Variants in ANKFY1 observed in about 807,000 individuals in gnomAD.
The protein encoded by ANKFY1 is ankyrin repeat and FYVE domain containing 1, also known as ankyrin repeat and FYVE domain-containing protein 1.
Under a neutral mutation model 128.3 loss-of-function variants are expected in ANKFY1, and 47 were observed. The observed-to-expected ratio is 0.37, with a 90% CI of 0.29 to 0.47. The LOEUF (loss-of-function observed/expected upper bound fraction) is 0.47. ANKFY1 is among the 20% of genes least tolerant of loss of function. The pLI is 1.00. For missense variants in ANKFY1, 1,222 were observed against 1,510.6 expected (o/e 0.81, Z 3.17); for synonymous variants, 553 against 601.6 (o/e 0.92, Z 1.18).
Position 4,263,924 on chromosome 17 carries a change from A to G in ANKFY1, c.10+8T>C, listed in dbSNP as rs745379057. Reference sequence around the variant, plus strand: ...GTCTTCCCGCGCGGCTCCACAAAAAAACCCTACCTTCCGCCATGTCTGGCC... The same window carrying G: ...GTCTTCCCGCGCGGCTCCACAAAAAGACCCTACCTTCCGCCATGTCTGGCC... On this transcript the variant is annotated splice_region_variant and intron_variant, in intron 1 of 24. Transcript: ENST00000341657. The G allele has an allele frequency of 4.3e-6, 7 of 1,613,784 alleles. No individual in the cohort carries two copies. Among genetic ancestry groups the G allele is most frequent in the Non-Finnish European group, 5.1e-6 (6 of 1,179,918 alleles).
At chr17:4,224,317 G>C (rs1228005642) in intron 3 of ANKFY1, among the ~76,000 whole-genome samples, 1 of 148,856 alleles carries the variant, frequency 6.7e-6, no homozygotes, top group Non-Finnish European at 1.5e-5. Context: ...CTGCCCCCGG[G>C]GTTCACGCCA....
At chr17:4,182,768 A>G (rs2059538302) in intron 14 of ANKFY1, among the ~76,000 whole-genome samples, 3 of 152,154 alleles carry the variant, frequency 2.0e-5, no homozygotes, top group African/African-American at 7.2e-5. Context: ...TTGGTGGCTC[A>G]TTTGTTGGAA....
rs986542838 is a variant in ANKFY1 at position 4,195,253 on chromosome 17, T to C, written c.1173-76A>G. The C allele has an allele frequency of 2.7e-6, 4 of 1,475,330 alleles. No individual in the cohort carries two copies. The Admixed American group carries it at 6.1e-5, about 22-fold the overall frequency. 91.4% of individuals were successfully genotyped at this position (1,475,330 alleles called of 1,614,324 possible). ...CTATACTGACAACAACCTGGTTCTT[T>C]CTCTTTACCCTTTTTCAATGACACA... On this transcript the variant is annotated intron_variant, in intron 9 of 24. Coordinates refer to ENST00000341657, the MANE Select transcript of ANKFY1 (RefSeq NM_001330063.2).
At chr17:4,222,738 A>G (rs1318183757) in intron 3 of ANKFY1, 5 of 957,398 alleles carry the variant, frequency 5.2e-6, no homozygotes, top group African/African-American at 1.6e-5. Context: ...TTGTGCAGTA[A>G]TATTTCTCGT....
At chr17:4,176,978 C>T in intron 19 of ANKFY1, 148 bp downstream of exon 19, 1 of 795,394 alleles carries the variant, frequency 1.3e-6, no homozygotes, top group South Asian at 3.1e-5. Flanking sequence ...GCCCTTGACA[C>T]CAGTTTCCTG....
At chr17:4,255,342 G>A (rs1157584223) in intron 1 of ANKFY1, among the ~76,000 whole-genome samples, 2 of 151,032 alleles carry the variant, frequency 1.3e-5, no homozygotes, top group Non-Finnish European at 2.9e-5. Flanking sequence ...TGCCTCCCGG[G>A]TTCAAGCAAT....
Position 4,196,597 on chromosome 17 carries a change from G to A in ANKFY1, c.1103+776C>T, listed in dbSNP as rs1189642505. On this transcript the variant is annotated intron_variant, in intron 8 of 24. Transcript: ENST00000341657. ...GAACACAATAAATATTGTTAAATAT[G>A]CAAAGGGCCGTGCTATGGACAAAGG... Among the ~76,000 whole-genome samples the A allele has an allele frequency of 5.3e-5, 8 of 152,318 alleles. No homozygotes were observed. The East Asian group carries it at 1.5e-3, about 29-fold the overall frequency.
chr17:4,177,133 C>T lies in ANKFY1; in HGVS notation c.2768G>A (p.Arg923His), dbSNP rs1257663646. 9.5e-6 allele frequency: 15 copies of T among 1,581,974 alleles called. No individual in the cohort carries two copies. Among genetic ancestry groups the T allele is most frequent in the East Asian group, 2.3e-5 (1 of 43,976 alleles). The change falls in exon 19 of 25, where the codon CGC becomes CAC. Residue 923 changes from arginine to histidine, a missense_variant. Transcript: ENST00000341657. ...AVQAGSEIIV[R>H]NLLLAGAKVN... ...TACTTCTGTGTCACTTACCAAATTG[C>T]GGACAATAATTTCTGAGCCTGCTTG...
rs1054084793 is a variant in ANKFY1, at chr17:4,196,885, C to T, written c.1103+488G>A. ...CCGTAATCCCAGCACTTTGGGAGAC[C>T]GAGGTGGGCAGATTGCTTGAGCTCA... is the stretch of plus-strand genomic sequence containing the variant. On this transcript the variant is annotated intron_variant, in intron 8 of 24. Transcript: ENST00000341657. 3.3e-5 allele frequency among the ~76,000 whole-genome samples: 5 copies of T among 152,152 alleles called. No homozygotes were observed. The East Asian group carries it at 7.7e-4, about 23-fold the overall frequency.
At chr17:4,223,939 A>G in intron 3 of ANKFY1, 1 of 576,446 alleles carries the variant, frequency 1.7e-6, no homozygotes, top group South Asian at 2.5e-5. Flanking sequence ...ACTGTGCCTC[A>G]GCAATGCTTT....
At chr17:4,263,710 G>A in intron 1 of ANKFY1, 1 of 1,490,352 alleles carries the variant, frequency 6.7e-7, no homozygotes, top group Non-Finnish European at 8.8e-7. Flanking sequence ...GCAGCCGGCC[G>A]CAGTCCCGCG....
chr17:4,222,524 C>CT (rs1355097798), intron 3 of ANKFY1: 2 of 1,059,302 alleles, frequency 1.9e-6, no homozygotes, highest in African/African-American at 1.6e-5. Context: ...GTTCTACGCA[C>CT]TTTATCAGTA....
chr17:4,192,062 G>A (rs2059727041), intron 10 of ANKFY1, among the ~76,000 whole-genome samples: 2 of 55,902 alleles, frequency 3.6e-5, no homozygotes, highest in African/African-American at 1.2e-4. Context: ...GTTGATGGTT[G>A]CTCTAATCTG....
intron 7 of ANKFY1, among the ~76,000 whole-genome samples, chr17:4,205,724 A>G (rs143415763): frequency 0.018 from 2,575 of 145,154 alleles, 72 homozygotes; most frequent in African/African-American, 0.062. Context: ...CCTGGGCGAC[A>G]GAACAAGACT....
At chr17:4,242,640 C>A (rs1967307180) in intron 1 of ANKFY1, among the ~76,000 whole-genome samples, 192 bp from the exon 2 acceptor site, 1 of 152,204 alleles carries the variant, frequency 6.6e-6, no homozygotes, top group Non-Finnish European at 1.5e-5. Flanking sequence ...CACCTGTAAT[C>A]CCAAAACTTT....
intron 3 of ANKFY1, among the ~76,000 whole-genome samples, chr17:4,219,652 C>A (rs2060276474): frequency 6.6e-6 from 1 of 151,760 alleles, no homozygotes; most frequent in African/African-American, 2.4e-5. Context: ...GACTTGAAGA[C>A]CCCGACTTAC....
intron 10 of ANKFY1, among the ~76,000 whole-genome samples, chr17:4,194,266 A>T (rs983025375): frequency 6.6e-6 from 1 of 150,942 alleles, no homozygotes; most frequent in Non-Finnish European, 1.5e-5. Flanking sequence ...CACCATGCCC[A>T]GCTGATAATT....
Position 4,164,701 on chromosome 17 carries a change from C to T in ANKFY1, c.*3078G>A, listed in dbSNP as rs1156266651. ...CCCCTTTCCCAAGACGTTCCCTCCACTCCGTGCCCGTGGAGAAGATTAGTG... is the reference window on the plus strand; with the variant it reads ...CCCCTTTCCCAAGACGTTCCCTCCATTCCGTGCCCGTGGAGAAGATTAGTG... On this transcript the variant is annotated 3_prime_UTR_variant, in exon 25 of 25. Coordinates refer to ENST00000341657, the MANE Select transcript of ANKFY1 (RefSeq NM_001330063.2). The T allele has an allele frequency of 6.6e-6, 1 of 152,332 alleles. No homozygotes were observed. Among genetic ancestry groups the T allele is most frequent in the Non-Finnish European group, 1.5e-5 (1 of 68,064 alleles). 9.4% of individuals were successfully genotyped at this position (152,332 alleles called of 1,614,324 possible).
At chr17:4,235,517 T>C (rs1966875897) in intron 3 of ANKFY1, among the ~76,000 whole-genome samples, 1 of 152,108 alleles carries the variant, frequency 6.6e-6, no homozygotes, top group Admixed American at 6.5e-5. Flanking sequence ...ATTTTATAAA[T>C]CATAAGGACA....
Sources: allele counts gnomAD v4.1 joint callset (sites outside exome capture counted in the v4.1 genomes callset), GRCh38; gene constraint gnomAD v4.1.1; transcripts MANE v1.5; gene names NCBI Gene and HGNC (gene_info 2026-07-23, HGNC 2026-07-21).